ADK: variants seen among roughly 807,000 people sequenced by gnomAD.
ADK encodes adenosine kinase.
A neutral mutation model predicts 44.7 loss-of-function variants in ADK; 24 were observed. That is an observed-to-expected ratio of 0.54 (90% confidence interval 0.39 to 0.76). The LOEUF (loss-of-function observed/expected upper bound fraction) is 0.76, where lower values mean the gene tolerates loss of function less well. Among genes scored for constraint, ADK ranks in the 30% least tolerant of loss-of-function variants. The pLI is 0.00. For missense variants in ADK, 321 were observed against 425.1 expected, an observed-to-expected ratio of 0.76 and a Z score of 2.15; for synonymous variants, 128 against 142.6, an observed-to-expected ratio of 0.90 and a Z score of 0.73.
chr10:74,266,341 G>A (rs768660200), intron 3 of ADK, among the ~76,000 whole-genome samples: 1 of 152,086 alleles, frequency 6.6e-6, no homozygotes, highest in Non-Finnish European at 1.5e-5. Context: ...GGTGGATCAC[G>A]AGGTCAGCAA....
intron 9 of ADK, among the ~76,000 whole-genome samples, chr10:74,661,638 A>G (rs772271522): frequency 6.6e-6 from 1 of 152,196 alleles, no homozygotes; most frequent in East Asian, 1.9e-4. Flanking sequence ...CTTACTTGAT[A>G]TATAAACTTT....
intron 7 of ADK, among the ~76,000 whole-genome samples, chr10:74,528,996 C>T (rs1418737046): frequency 6.6e-6 from 1 of 152,114 alleles, no homozygotes; most frequent in Non-Finnish European, 1.5e-5. Flanking sequence ...ACCATATGAT[C>T]TAGCAGTTCT....
intron 6 of ADK, among the ~76,000 whole-genome samples, chr10:74,455,519 C>CT (rs61163563): frequency 0.59 from 89,270 of 150,254 alleles, 29,289 homozygotes; most frequent in Middle Eastern, 0.77. Flanking sequence ...AAATTCTTTT[C>CT]TTTTTTTTTG....
intron 6 of ADK, among the ~76,000 whole-genome samples, chr10:74,450,241 G>T (rs1418480095): frequency 1.3e-5 from 2 of 152,192 alleles, no homozygotes; most frequent in Admixed American, 1.3e-4. Flanking sequence ...TGAATCTAGA[G>T]GTGGAAGCTG....
At chr10:74,494,297 A>C (rs1218688719) in intron 6 of ADK, among the ~76,000 whole-genome samples, 1 of 152,132 alleles carries the variant, frequency 6.6e-6, no homozygotes, top group African/African-American at 2.4e-5. Flanking sequence ...CTACTATGAT[A>C]AGATAAATAT....
At chr10:74,540,143 A>G (rs1394134248) in intron 7 of ADK, among the ~76,000 whole-genome samples, 2 of 152,158 alleles carry the variant, frequency 1.3e-5, no homozygotes, top group African/African-American at 4.8e-5. Context: ...TTATGTGTTG[A>G]TTTTTAAAAA....
At chr10:74,475,880 A>G (rs1369914844) in intron 6 of ADK, among the ~76,000 whole-genome samples, 2 of 152,128 alleles carry the variant, frequency 1.3e-5, no homozygotes, top group Non-Finnish European at 2.9e-5. Flanking sequence ...GCATCTGAGC[A>G]CTGTTTTCTC....
chr10:74,335,462 A>ACT, intron 4 of ADK, among the ~76,000 whole-genome samples: 2 of 152,326 alleles, frequency 1.3e-5, no homozygotes, highest in Middle Eastern at 6.8e-3. Flanking sequence ...ATGGCTGAGT[A>ACT]GTTTTCTATC....
chr10:74,444,525 G>T (rs1009822204), intron 6 of ADK, among the ~76,000 whole-genome samples: 1 of 151,926 alleles, frequency 6.6e-6, no homozygotes, highest in African/African-American at 2.4e-5. Context: ...AGAGTATTTC[G>T]AAGTGTTTAT....
At chr10:74,490,578 T>G (rs1193117609) in intron 6 of ADK, among the ~76,000 whole-genome samples, 1 of 152,144 alleles carries the variant, frequency 6.6e-6, no homozygotes. Flanking sequence ...TTACTAGTTA[T>G]GGTTATTTCC....
At chr10:74,197,570 G>A (rs1843206401) in intron 1 of ADK, among the ~76,000 whole-genome samples, 1 of 151,938 alleles carries the variant, frequency 6.6e-6, no homozygotes, top group South Asian at 2.1e-4. Context: ...CGTGGTGGTG[G>A]GCACCTGTAA....
At chr10:74,532,771 C>T (rs182198200) in intron 7 of ADK, among the ~76,000 whole-genome samples, 153 of 150,632 alleles carry the variant, frequency 1.0e-3, no homozygotes, top group African/African-American at 3.5e-3. Flanking sequence ...CATGGTGGCA[C>T]ACGCCTGTAA....
chr10:74,629,709 A>G (rs1441870754), intron 9 of ADK, among the ~76,000 whole-genome samples: 1 of 152,216 alleles, frequency 6.6e-6, no homozygotes, highest in African/African-American at 2.4e-5. Context: ...TTCACTATAG[A>G]AATAATGCAT....
At chr10:74,231,620 C>T (rs542784126) in intron 3 of ADK, among the ~76,000 whole-genome samples, 26 of 151,206 alleles carry the variant, frequency 1.7e-4, no homozygotes, top group Non-Finnish European at 3.4e-4. Flanking sequence ...TGTGCACCAC[C>T]ACACCTGGCT....
chr10:74,626,219 T>G (rs1292756696), intron 9 of ADK, among the ~76,000 whole-genome samples: 2 of 152,226 alleles, frequency 1.3e-5, no homozygotes, highest in East Asian at 3.9e-4. Context: ...CAGGAGATAG[T>G]CATGGTTTAA....
At position 74,242,882 on chromosome 10, in the gene ADK, C is replaced by A. The variant is rs1032596951; in HGVS notation, c.194+18291C>A. On this transcript the variant is annotated intron_variant, in intron 3 of 10. Transcript: ENST00000539909. Reference sequence around the variant, plus strand: ...TACTGCTGTACTTCAGGGAAGACCACCTACTCTTCCCGTCCCCTCTCCAGC... The same window carrying A: ...TACTGCTGTACTTCAGGGAAGACCAACTACTCTTCCCGTCCCCTCTCCAGC... 2.6e-5 allele frequency among the ~76,000 whole-genome samples: 4 copies of A among 152,150 alleles called. No individual in the cohort carries two copies. In the East Asian group the frequency reaches 7.7e-4, roughly 29 times the overall value.
chr10:74,418,297 T>G (rs1304130354), intron 6 of ADK, among the ~76,000 whole-genome samples: 1 of 152,186 alleles, frequency 6.6e-6, no homozygotes, highest in African/African-American at 2.4e-5. Flanking sequence ...GCTTTTAGAT[T>G]GTCGATAAAC....
intron 7 of ADK, among the ~76,000 whole-genome samples, chr10:74,574,579 G>T (rs561266434): frequency 6.6e-6 from 1 of 152,240 alleles, no homozygotes; most frequent in Non-Finnish European, 1.5e-5. Context: ...ATACATCGTT[G>T]AAAATACAAC....
At chr10:74,634,229 G>C (rs1390902256) in intron 9 of ADK, among the ~76,000 whole-genome samples, 1 of 151,042 alleles carries the variant, frequency 6.6e-6, no homozygotes, top group East Asian at 1.9e-4. Flanking sequence ...TTTTTGAGAC[G>C]AGTCTCGCCC....
Sources: allele counts gnomAD v4.1 joint callset (sites outside exome capture counted in the v4.1 genomes callset), GRCh38; gene constraint gnomAD v4.1.1; transcripts MANE v1.5; gene names NCBI Gene and HGNC (gene_info 2026-07-23, HGNC 2026-07-21).